The following PHLPP1 variants were observed in gnomAD, a reference collection of about 807,000 sequenced individuals.
The protein encoded by PHLPP1 is PH domain and leucine rich repeat protein phosphatase 1.
PHLPP1 carries 42 observed loss-of-function variants against 117.2 expected under a neutral mutation model. That is an observed-to-expected ratio of 0.36 (90% CI 0.28 to 0.46). The LOEUF (loss-of-function observed/expected upper bound fraction) is 0.46. Ranked by LOEUF, PHLPP1 falls within the 20% of genes least tolerant of loss-of-function variation. The pLI, the probability that PHLPP1 is intolerant of heterozygous loss-of-function variation, is 1.00. For synonymous variants in PHLPP1, 1,042 were observed against 970.7 expected (o/e 1.07, Z -1.37); for missense variants, 2,084 against 2,241.9 (o/e 0.93, Z 1.42).
intron 6 of PHLPP1, among the ~76,000 whole-genome samples, chr18:62,897,064 A>G (rs1916581366): frequency 6.6e-6 from 1 of 152,170 alleles, no homozygotes; most frequent in African/African-American, 2.4e-5. Context: ...AGTTCCTTGT[A>G]TTTAGAAAAC....
chr18:62,972,279 A>G (rs1394863869), intron 14 of PHLPP1, among the ~76,000 whole-genome samples: 1 of 152,208 alleles, frequency 6.6e-6, no homozygotes, highest in Non-Finnish European at 1.5e-5. Flanking sequence ...AAATAAACTC[A>G]TCAGAAGAGA....
At chr18:62,871,853 C>T (rs930781673) in intron 4 of PHLPP1, among the ~76,000 whole-genome samples, 5 of 152,022 alleles carry the variant, frequency 3.3e-5, no homozygotes, top group Non-Finnish European at 7.4e-5. Flanking sequence ...CCATGTTGGC[C>T]AGGCTGGTCT....
chr18:62,912,118 C>T (rs1440531978), intron 8 of PHLPP1, among the ~76,000 whole-genome samples: 2 of 114,454 alleles, frequency 1.7e-5, no homozygotes, highest in East Asian at 5.0e-4. Flanking sequence ...CACTTGGACA[C>T]AGGAAGGGGA....
At chr18:62,896,905 G>A (rs750345073) in intron 6 of PHLPP1, among the ~76,000 whole-genome samples, 44 of 152,298 alleles carry the variant, frequency 2.9e-4, no homozygotes, top group Admixed American at 1.4e-3. Context: ...GGAAGTATTA[G>A]CAATTTGCAG....
intron 1 of PHLPP1, among the ~76,000 whole-genome samples, chr18:62,804,034 T>C (rs1323433312): frequency 6.6e-6 from 1 of 152,118 alleles, no homozygotes; most frequent in Non-Finnish European, 1.5e-5. Flanking sequence ...CTGGGAAATA[T>C]ATAAAGGGAA....
chr18:62,857,276 T>C (rs1599086061), intron 3 of PHLPP1, among the ~76,000 whole-genome samples: 1 of 150,624 alleles, frequency 6.6e-6, no homozygotes, highest in East Asian at 1.9e-4. Context: ...GGTGTGTGTG[T>C]ATTGTATTAA....
chr18:62,721,429 G>GTGT (rs1910912800), intron 1 of PHLPP1, among the ~76,000 whole-genome samples: 2 of 144,312 alleles, frequency 1.4e-5, no homozygotes, highest in African/African-American at 5.1e-5. Context: ...GAGGGGTGTG[G>GTGT]GTGTGTGTGT....
rs1468253266 is a variant in PHLPP1, at chr18:62,715,866, C to T, written c.183C>T (p.Ser61=). The T allele has an allele frequency of 3.7e-6, 3 of 809,416 alleles. No homozygotes were observed. Among genetic ancestry groups the T allele is most frequent in the Admixed American group, 6.3e-5 (1 of 15,898 alleles). 50.1% of individuals were successfully genotyped at this position (809,416 alleles called of 1,614,324 possible). ...PEPALTPAAP[S]GGNGSGSGAR... ...CCGCGCTGACCCCGGCGGCCCCGAG[C>T]GGCGGGAACGGCAGCGGCAGCGGGG... is the stretch of plus-strand genomic sequence containing the variant. The change falls in exon 1 of 17, where the codon AGC becomes AGT. Residue 61 remains serine (S), a synonymous_variant. Coordinates refer to ENST00000262719, the MANE Select transcript of PHLPP1 (RefSeq NM_194449.4).
Position 62,715,588 on chromosome 18 carries a change from C to T in PHLPP1, c.-96C>T, listed in dbSNP as rs1910689348. The T allele has an allele frequency of 2.6e-5, 20 of 767,012 alleles. No individual in the cohort carries two copies. The highest frequency in any genetic ancestry group is 3.4e-5 in the Non-Finnish European group (19 of 559,642). The allele number at this position is 767,012 out of a possible 1,614,324, so 47.5% of individuals were successfully genotyped here. On this transcript the variant is annotated 5_prime_UTR_variant, in exon 1 of 17. Coordinates refer to ENST00000262719, the MANE Select transcript of PHLPP1 (RefSeq NM_194449.4). ...GCACAACGCCATTGGCTTCTCCCTT[C>T]TCCGCGCGCCGCCGCCGTCTCCCAC...
At chr18:62,832,165 T>C (rs1914776731) in intron 2 of PHLPP1, 1 of 152,250 alleles carries the variant, frequency 6.6e-6, no homozygotes, top group Admixed American at 6.5e-5. Context: ...GGCACTGTGC[T>C]TGGCACCCCA....
chr18:62,821,452 G>C (rs1052459370), intron 1 of PHLPP1, among the ~76,000 whole-genome samples: 13 of 151,260 alleles, frequency 8.6e-5, no homozygotes, highest in African/African-American at 2.9e-4. Context: ...GGGAGGCTGG[G>C]CTGGGAGAAT....
At chr18:62,966,494 G>A (rs564418600) in intron 14 of PHLPP1, among the ~76,000 whole-genome samples, 139 of 127,802 alleles carry the variant, frequency 1.1e-3, no homozygotes, top group Middle Eastern at 5.3e-3. Flanking sequence ...TTTTTGAGAC[G>A]GAGTCTTGTG....
At chr18:62,930,602 G>T (rs553345792) in intron 10 of PHLPP1, among the ~76,000 whole-genome samples, 3 of 152,188 alleles carry the variant, frequency 2.0e-5, no homozygotes, top group Non-Finnish European at 4.4e-5. Context: ...TAGCGATACA[G>T]TAAAAGTAGG....
intron 4 of PHLPP1, among the ~76,000 whole-genome samples, chr18:62,883,432 A>G (rs1468459597): frequency 6.6e-6 from 1 of 152,314 alleles, no homozygotes. Context: ...AAGATTTGCA[A>G]TTACCATTTT....
At chr18:62,859,422 C>T (rs2144360952) in intron 3 of PHLPP1, among the ~76,000 whole-genome samples, 1 of 152,306 alleles carries the variant, frequency 6.6e-6, no homozygotes, top group South Asian at 2.1e-4. Context: ...AGGCATTGAA[C>T]ATCTGGATAA....
chr18:62,849,825 A>T (rs1568137168), intron 3 of PHLPP1, among the ~76,000 whole-genome samples: 4 of 97,632 alleles, frequency 4.1e-5, no homozygotes, highest in African/African-American at 1.6e-4. Flanking sequence ...AAAAAAAAAA[A>T]AAAAAAAATA....
chr18:62,797,250 G>A (rs190990619), intron 1 of PHLPP1, among the ~76,000 whole-genome samples: 2 of 152,014 alleles, frequency 1.3e-5, no homozygotes, highest in African/African-American at 2.4e-5. Context: ...ATAATATATC[G>A]TAAATATTGC....
At chr18:62,866,688 A>G (rs1915778847) in intron 4 of PHLPP1, among the ~76,000 whole-genome samples, 1 of 152,264 alleles carries the variant, frequency 6.6e-6, no homozygotes, top group Non-Finnish European at 1.5e-5. Flanking sequence ...CCAAAGAGCC[A>G]GTATTTGTGG....
Position 62,785,093 on chromosome 18 carries a change from G to A in PHLPP1, c.1577-44942G>A, listed in dbSNP as rs561317918. On this transcript the variant is annotated intron_variant, in intron 1 of 16. Transcript: ENST00000262719. ...TTTAAAGGACTGTAATTGATGTATTGTTTATATTGTTCACTAAATACAGTG... is the reference window on the plus strand; with the variant it reads ...TTTAAAGGACTGTAATTGATGTATTATTTATATTGTTCACTAAATACAGTG... Among the ~76,000 whole-genome samples the A allele has an allele frequency of 5.9e-5, 9 of 152,260 alleles. No homozygotes were observed. In the South Asian group the frequency reaches 1.9e-3, roughly 32 times the overall value.
Sources: allele counts gnomAD v4.1 joint callset (sites outside exome capture counted in the v4.1 genomes callset), GRCh38; gene constraint gnomAD v4.1.1; transcripts MANE v1.5; gene names NCBI Gene and HGNC (gene_info 2026-07-23, HGNC 2026-07-21).